Variants in CENPW observed in about 807,000 individuals in gnomAD.
CENPW encodes the protein centromere protein W.
In CENPW, 3 loss-of-function variants were observed where a neutral mutation model predicts 11.1. The observed-to-expected ratio is 0.27, with a 90% CI of 0.12 to 0.70. CENPW has a LOEUF of 0.70. Among genes scored for constraint, CENPW ranks in the 30% least tolerant of loss-of-function variants. The pLI is 0.77. For synonymous variants in CENPW, 38 were observed against 42.0 expected, an observed-to-expected ratio of 0.91 and a Z score of 0.37; for missense variants, 100 against 105.6, an observed-to-expected ratio of 0.95 and a Z score of 0.23.
At chr6:126,448,560 C>G in the CENPW span, among the ~76,000 whole-genome samples, 5 of 151,026 alleles carry the variant, frequency 3.3e-5, no homozygotes, top group Admixed American at 1.3e-4. Context: ...TCCTAGTGCC[C>G]CATGGTTCAT....
chr6:126,386,067 GGAA>G, the CENPW span, among the ~76,000 whole-genome samples: 3 of 152,024 alleles, frequency 2.0e-5, no homozygotes, highest in Admixed American at 2.0e-4. Context: ...ACAGGTAAAA[GGAA>G]TTATCCTTCG....
chr6:126,343,866 C>T (rs1170008351), intron 1 of CENPW, among the ~76,000 whole-genome samples: 1 of 152,194 alleles, frequency 6.6e-6, no homozygotes, highest in East Asian at 1.9e-4. Flanking sequence ...GCACCACCTA[C>T]ACACACACCC....
the CENPW span, among the ~76,000 whole-genome samples, chr6:126,416,958 C>T: frequency 6.6e-6 from 1 of 152,108 alleles, no homozygotes; most frequent in Non-Finnish European, 1.5e-5. Context: ...CTTCCAGACC[C>T]CAAAATTGTA....
At chr6:126,473,543 C>A in the CENPW span, among the ~76,000 whole-genome samples, 1 of 151,912 alleles carries the variant, frequency 6.6e-6, no homozygotes, top group Non-Finnish European at 1.5e-5. Context: ...ACCAGCCTGG[C>A]CAACATGGTG....
intron 1 of CENPW, among the ~76,000 whole-genome samples, chr6:126,341,918 G>A (rs1780319164): frequency 6.6e-6 from 1 of 152,162 alleles, no homozygotes; most frequent in African/African-American, 2.4e-5. Flanking sequence ...GATCCAGGTG[G>A]CATGGGAAAG....
chr6:126,458,240 A>T, the CENPW span, among the ~76,000 whole-genome samples: 1 of 151,400 alleles, frequency 6.6e-6, no homozygotes, highest in Non-Finnish European at 1.5e-5. Context: ...GGATAAAAAT[A>T]TAAAATTATT....
chr6:126,356,611 T>C, the CENPW span, among the ~76,000 whole-genome samples: 1 of 152,170 alleles, frequency 6.6e-6, no homozygotes, highest in Non-Finnish European at 1.5e-5. Context: ...ATTATTTGAC[T>C]TTTTAATAAT....
the CENPW span, among the ~76,000 whole-genome samples, chr6:126,419,802 C>T: frequency 7.1e-3 from 1,083 of 152,214 alleles, 13 homozygotes; most frequent in African/African-American, 0.024. Context: ...CCCTCATCAT[C>T]ATATGTTTTC....
chr6:126,401,057 A>G, the CENPW span, among the ~76,000 whole-genome samples: 32 of 152,136 alleles, frequency 2.1e-4, no homozygotes, highest in Admixed American at 4.6e-4. Flanking sequence ...TGATTGCTTC[A>G]TCTCTTTACA....
the CENPW span, among the ~76,000 whole-genome samples, chr6:126,384,669 C>T: frequency 6.6e-6 from 1 of 151,888 alleles, no homozygotes; most frequent in Non-Finnish European, 1.5e-5. Context: ...CTATAAAAAC[C>T]CTGGAAGACA....
chr6:126,446,372 A>T, the CENPW span, among the ~76,000 whole-genome samples: 3 of 144,266 alleles, frequency 2.1e-5, no homozygotes, highest in Admixed American at 1.4e-4. Flanking sequence ...CCCACAAGAA[A>T]AAAACAGGGC....
the CENPW span, among the ~76,000 whole-genome samples, chr6:126,470,641 G>A: frequency 8.3e-4 from 127 of 152,340 alleles, no homozygotes; most frequent in African/African-American, 3.0e-3. Context: ...ATGTGGAAAA[G>A]CTGCAGACAC....
chr6:126,430,866 G>T, the CENPW span, among the ~76,000 whole-genome samples: 13 of 152,002 alleles, frequency 8.6e-5, no homozygotes, highest in Non-Finnish European at 1.8e-4. Context: ...GCTGCAGTGA[G>T]CCGAGATGGC....
the CENPW span, among the ~76,000 whole-genome samples, chr6:126,437,667 A>G: frequency 3.2e-4 from 48 of 151,916 alleles, no homozygotes; most frequent in Non-Finnish European, 3.2e-4. Flanking sequence ...TAATAATTGT[A>G]TGGAAGTTGC....
At chr6:126,410,878 G>A in the CENPW span, among the ~76,000 whole-genome samples, 1 of 151,840 alleles carries the variant, frequency 6.6e-6, no homozygotes, top group Non-Finnish European at 1.5e-5. Flanking sequence ...CATATTCTGT[G>A]TGAATTGTTT....
At chr6:126,461,849 T>C in the CENPW span, among the ~76,000 whole-genome samples, 6 of 152,118 alleles carry the variant, frequency 3.9e-5, no homozygotes, top group African/African-American at 7.2e-5. Context: ...TTCTCAATTA[T>C]AAAATTAGAA....
chr6:126,456,000 CGAG>C, the CENPW span, among the ~76,000 whole-genome samples: 11 of 150,634 alleles, frequency 7.3e-5, no homozygotes, highest in East Asian at 2.2e-3. Context: ...ATATATCTAA[CGAG>C]GGGGGGCAAA....
At chr6:126,359,012 C>A in the CENPW span, among the ~76,000 whole-genome samples, 1 of 151,124 alleles carries the variant, frequency 6.6e-6, no homozygotes, top group Non-Finnish European at 1.5e-5. Flanking sequence ...CCTCTAGGTG[C>A]AAAGTTAGAT....
chr6:126,408,046 A>G, the CENPW span, among the ~76,000 whole-genome samples: 1 of 152,214 alleles, frequency 6.6e-6, no homozygotes, highest in South Asian at 2.1e-4. Context: ...ATTTTCTTCT[A>G]GAGTTTTTAT....
Sources: allele counts gnomAD v4.1 joint callset (sites outside exome capture counted in the v4.1 genomes callset), GRCh38; gene constraint gnomAD v4.1.1; transcripts MANE v1.5; gene names NCBI Gene and HGNC (gene_info 2026-07-23, HGNC 2026-07-21).